The following EDNRB variants were observed in gnomAD, a reference collection of about 807,000 sequenced individuals.
EDNRB encodes Hirschsprung disease 2.
EDNRB carries 18 observed loss-of-function variants against 46.4 expected under a neutral mutation model. That is an observed-to-expected ratio of 0.39 (90% CI 0.27 to 0.57). EDNRB has a LOEUF of 0.57. EDNRB is among the 20% of genes least tolerant of loss of function. EDNRB has a pLI of 0.61. For synonymous variants in EDNRB, 213 were observed against 204.9 expected (o/e 1.04, Z -0.34); for missense variants, 434 against 537.5 (o/e 0.81, Z 1.90).
intron 1 of EDNRB, among the ~76,000 whole-genome samples, chr13:77,946,736 A>C (rs992729427): frequency 6.6e-6 from 1 of 152,210 alleles, no homozygotes; most frequent in Non-Finnish European, 1.5e-5. Flanking sequence ...TTATTTCCCC[A>C]GAGATAGTTG....
rs79501915 is a variant in EDNRB, at chr13:77,947,935, T to C, written c.-52+27412A>G. 9.1e-4 allele frequency among the ~76,000 whole-genome samples: 139 copies of C among 152,232 alleles called. 4 individuals carry two copies. The East Asian group carries it at 0.023, about 26-fold the overall frequency. ...CCTGTGCTCTATGAAACTTTCTAAA[T>C]AGATCTCAATCAAATATATATGGTG... On this transcript the variant is annotated intron_variant, in intron 1 of 7. Coordinates refer to the EDNRB transcript ENST00000646948.
intron 1 of EDNRB, among the ~76,000 whole-genome samples, chr13:77,908,930 T>C (rs1254018917): frequency 7.5e-4 from 114 of 152,046 alleles, no homozygotes; most frequent in Non-Finnish European, 8.8e-5. Flanking sequence ...AATACTCACA[T>C]AACTGGCACT....
At chr13:77,952,321 T>G (rs950757255) in intron 1 of EDNRB, among the ~76,000 whole-genome samples, 2 of 152,086 alleles carry the variant, frequency 1.3e-5, no homozygotes, top group Admixed American at 1.3e-4. Flanking sequence ...TTACTATATT[T>G]TGCAAAAAAA....
chr13:77,965,828 G>C (rs1207123991), intron 1 of EDNRB, among the ~76,000 whole-genome samples: 1 of 151,994 alleles, frequency 6.6e-6, no homozygotes, highest in Non-Finnish European at 1.5e-5. Context: ...GCCTATAGTA[G>C]AGAAAGTAAT....
chr13:77,930,190 A>G (rs7333015), intron 1 of EDNRB, among the ~76,000 whole-genome samples: 84,612 of 152,048 alleles, frequency 0.56, 24,323 homozygotes, highest in Middle Eastern at 0.67. Context: ...CTGGTCTGCA[A>G]AAACATGGTT....
chr13:77,902,323 A>C (rs1415165819), intron 3 of EDNRB, among the ~76,000 whole-genome samples: 1 of 151,922 alleles, frequency 6.6e-6, no homozygotes, highest in Non-Finnish European at 1.5e-5. Flanking sequence ...CTCTTCAAAG[A>C]ACCAATATGT....
intron 1 of EDNRB, among the ~76,000 whole-genome samples, chr13:77,971,667 A>T (rs897447633): frequency 6.6e-6 from 1 of 151,716 alleles, no homozygotes; most frequent in Admixed American, 6.6e-5. Context: ...CATTTTTATT[A>T]ACTGTCACCC....
chr13:77,941,681 G>T (rs1365992100), intron 1 of EDNRB, among the ~76,000 whole-genome samples: 1 of 81,434 alleles, frequency 1.2e-5, no homozygotes, highest in Non-Finnish European at 2.4e-5. Flanking sequence ...TTTTCAAAAG[G>T]ATGAGGAGTG....
At chr13:77,959,457 C>A (rs1267529379) in intron 1 of EDNRB, among the ~76,000 whole-genome samples, 1 of 152,234 alleles carries the variant, frequency 6.6e-6, no homozygotes, top group African/African-American at 2.4e-5. Flanking sequence ...CCAGCAAACT[C>A]CAACAGACCT....
chr13:77,959,862 A>C (rs1479894370), intron 1 of EDNRB, among the ~76,000 whole-genome samples: 20 of 152,272 alleles, frequency 1.3e-4, no homozygotes, highest in Non-Finnish European at 2.5e-4. Context: ...TGGCACAAAA[A>C]ACCATGGCAC....
At chr13:77,969,948 A>G (rs1234866549) in intron 1 of EDNRB, among the ~76,000 whole-genome samples, 1 of 151,644 alleles carries the variant, frequency 6.6e-6, no homozygotes, top group Non-Finnish European at 1.5e-5. Context: ...AACAAGAGAC[A>G]TGATGTTTGA....
intron 1 of EDNRB, among the ~76,000 whole-genome samples, chr13:77,946,821 T>C (rs957002922): frequency 6.6e-6 from 1 of 152,228 alleles, no homozygotes; most frequent in African/African-American, 2.4e-5. Flanking sequence ...CTCACTTCCA[T>C]TGTTGAACTG....
At chr13:77,902,760 C>T (rs564595728) in intron 3 of EDNRB, among the ~76,000 whole-genome samples, 17 of 152,136 alleles carry the variant, frequency 1.1e-4, no homozygotes, top group Non-Finnish European at 2.1e-4. Flanking sequence ...GGTGTGCTCT[C>T]GCCATTGCTC....
chr13:77,923,399 G>T (rs958766705), upstream of EDNRB, among the ~76,000 whole-genome samples: 1 of 152,044 alleles, frequency 6.6e-6, no homozygotes, highest in African/African-American at 2.4e-5. Context: ...ACTTTGAAAA[G>T]ATATTAGAAA....
At chr13:77,959,485 C>T (rs1451941870) in intron 1 of EDNRB, among the ~76,000 whole-genome samples, 3 of 152,218 alleles carry the variant, frequency 2.0e-5, no homozygotes, top group African/African-American at 4.8e-5. Context: ...AGGGTCCTGA[C>T]TGTTAGAAGG....
intron 1 of EDNRB, among the ~76,000 whole-genome samples, chr13:77,908,265 C>A (rs117569680): frequency 6.6e-6 from 1 of 151,820 alleles, no homozygotes; most frequent in African/African-American, 2.4e-5. Flanking sequence ...TGTGGAGACC[C>A]AGCAAAGCCT....
In EDNRB at chr13:77,900,624, G is replaced by T. The variant is rs1216944717; in HGVS notation, c.982C>A (p.Leu328Met). Residue 328 changes from leucine (L) to methionine (M), a missense_variant, in exon 5 of 7, where the codon CTG becomes ATG. Leu to Met is a conservative substitution (Grantham distance 15). Coordinates refer to ENST00000646607, the MANE Select transcript of EDNRB (RefSeq NM_001122659.3). ...RREVAKTVFC[L>M]VLVFALCWLP... is the part of the protein sequence containing the mutation. ...CAGCAGAGGGCAAAGACAAGGACCA[G>T]GCAAAAGACGGTTTTGGCCACTTCC... 2.5e-6 allele frequency: 4 copies of T among 1,612,420 alleles called. No individual in the cohort carries two copies. Among genetic ancestry groups the T allele is most frequent in the Non-Finnish European group, 1.7e-6 (2 of 1,179,046 alleles).
chr13:77,903,953 G>A (rs1015735541), intron 1 of EDNRB, among the ~76,000 whole-genome samples: 1 of 151,904 alleles, frequency 6.6e-6, no homozygotes, highest in South Asian at 2.1e-4. Flanking sequence ...CCAGATCATG[G>A]CCAAAGCAAA....
chr13:77,961,366 G>A (rs546413888), intron 1 of EDNRB, among the ~76,000 whole-genome samples: 22 of 150,350 alleles, frequency 1.5e-4, no homozygotes, highest in South Asian at 8.3e-4. Flanking sequence ...GCACCACGTC[G>A]CACATAGTTG....
Sources: gnomAD v4.1 joint callset for allele counts (sites outside exome capture counted in the v4.1 genomes callset) on GRCh38, gnomAD v4.1.1 for gene constraint, MANE v1.5 for transcripts, NCBI Gene and HGNC (gene_info 2026-07-23, HGNC 2026-07-21) for gene names.